Variants in FARS2 observed in about 807,000 individuals in gnomAD.
FARS2 encodes phenylalanine--tRNA ligase, mitochondrial.
Under a neutral mutation model 46.4 loss-of-function variants are expected in FARS2, and 40 were observed. That is an observed-to-expected ratio of 0.86 (90% CI 0.67 to 1.12). FARS2 has a LOEUF of 1.12. Among genes scored for constraint, FARS2 ranks in the 50% most tolerant of loss-of-function variants. FARS2 has a pLI of 0.00. For missense variants in FARS2, 513 were observed against 567.9 expected (o/e 0.90, Z 0.98); for synonymous variants, 234 against 214.9 (o/e 1.09, Z -0.78).
intron 6 of FARS2, among the ~76,000 whole-genome samples, chr6:5,722,083 T>C (rs1244955270): frequency 6.6e-6 from 1 of 152,198 alleles, no homozygotes; most frequent in Non-Finnish European, 1.5e-5. Context: ...ATGAAACAAA[T>C]TGTTGTTTTT....
At chr6:5,438,407 A>G (rs1358158118) in intron 4 of FARS2, among the ~76,000 whole-genome samples, 1 of 151,004 alleles carries the variant, frequency 6.6e-6, no homozygotes, top group Non-Finnish European at 1.5e-5. Context: ...TGTTTTTCAG[A>G]TTGGATAATT....
chr6:5,525,209 C>A (rs566441670), intron 4 of FARS2, among the ~76,000 whole-genome samples: 52 of 134,042 alleles, frequency 3.9e-4, no homozygotes, highest in African/African-American at 1.3e-3. Context: ...CATAAAAAAA[C>A]TGTTATTTTC....
At position 5,471,063 on chromosome 6, in the gene FARS2, C is replaced by T. The variant is rs765339920; in HGVS notation, c.904+39891C>T. 2.1e-4 allele frequency among the ~76,000 whole-genome samples: 32 copies of T among 152,082 alleles called. No homozygotes were observed. Among genetic ancestry groups the T allele is most frequent in the Middle Eastern group, 3.2e-3 (1 of 316 alleles). On this transcript the variant is annotated intron_variant, in intron 4 of 6. Coordinates refer to ENST00000274680, the MANE Select transcript of FARS2 (RefSeq NM_006567.5). This position sits in a 1 kb window ranked among gnomAD's most constrained non-coding sequence, Gnocchi z 4.1. ...TACTGATCAGAAAAGGCTTTCTAAG[C>T]TAGAGTGTGAGAGTTACATGTTAAC...
intron 4 of FARS2, among the ~76,000 whole-genome samples, chr6:5,541,249 G>A (rs1770613905): frequency 1.3e-5 from 2 of 152,184 alleles, no homozygotes; most frequent in South Asian, 4.1e-4. Context: ...GAGGCTGAGA[G>A]TAACCGTTGA....
intron 4 of FARS2, among the ~76,000 whole-genome samples, chr6:5,487,497 A>G (rs1766845201): frequency 6.6e-6 from 1 of 152,228 alleles, no homozygotes; most frequent in East Asian, 1.9e-4. Flanking sequence ...TTTAATACCT[A>G]CAACAGCCGT....
intron 6 of FARS2, among the ~76,000 whole-genome samples, chr6:5,736,757 C>G (rs772242940): frequency 1.6e-4 from 25 of 151,984 alleles, no homozygotes; most frequent in Non-Finnish European, 3.1e-4. Flanking sequence ...ATGAATTCAA[C>G]TCTTGCATAA....
intron 6 of FARS2, among the ~76,000 whole-genome samples, chr6:5,624,743 A>C (rs1361423023): frequency 1.3e-5 from 2 of 152,162 alleles, no homozygotes; most frequent in Admixed American, 6.5e-5. Context: ...GATTCAAGCA[A>C]GTTAAACACA....
chr6:5,459,788 C>T (rs1347984573), intron 4 of FARS2, among the ~76,000 whole-genome samples: 1 of 152,220 alleles, frequency 6.6e-6, no homozygotes, highest in Admixed American at 6.5e-5. Context: ...CCACCTCCCT[C>T]CACCTTCCTA....
intron 5 of FARS2, among the ~76,000 whole-genome samples, chr6:5,591,142 A>G (rs892982564): frequency 4.6e-5 from 7 of 152,198 alleles, no homozygotes; most frequent in African/African-American, 1.7e-4. Context: ...AATGCCATTG[A>G]ATCTTAGATA....
intron 4 of FARS2, among the ~76,000 whole-genome samples, chr6:5,529,167 C>T (rs1300724184): frequency 2.6e-5 from 4 of 152,140 alleles, no homozygotes; most frequent in Non-Finnish European, 5.9e-5. Context: ...TGATAGTGAC[C>T]TAACAGAGTT....
At chr6:5,283,970 T>C (rs1766937970) in intron 1 of FARS2, among the ~76,000 whole-genome samples, 1 of 152,236 alleles carries the variant, frequency 6.6e-6, no homozygotes, top group African/African-American at 2.4e-5. Flanking sequence ...AAAGGATATA[T>C]GCATTTAAAA....
intron 1 of FARS2, among the ~76,000 whole-genome samples, chr6:5,347,802 G>A (rs1053413785): frequency 4.6e-5 from 7 of 152,118 alleles, no homozygotes; most frequent in Non-Finnish European, 1.0e-4. Context: ...CATCTTCACC[G>A]ACATTTGGTG....
In FARS2 at chr6:5,369,168, T is replaced by C. The variant is rs1758879197; in HGVS notation, c.598T>C (p.Phe200Leu). ...CCACCAGCTGGAGGCCGTGCGGCTC[T>C]TCTCCAAGCATGAGGTGAGTCTTGA... ...IFHQLEAVRL[F>L]SKHELFAGIK... Residue 200 changes from phenylalanine (F) to leucine (L), a missense_variant, in exon 2 of 7, where the codon TTC (phenylalanine) becomes CTC (leucine). Coordinates refer to ENST00000274680, the MANE Select transcript of FARS2 (RefSeq NM_006567.5). The C allele has an allele frequency of 6.2e-7, 1 of 1,607,010 alleles. No homozygotes were observed. Among genetic ancestry groups the C allele is most frequent in the South Asian group, 1.1e-5 (1 of 91,062 alleles).
At chr6:5,337,188 G>GTATATATATA (rs35240833) in intron 1 of FARS2, among the ~76,000 whole-genome samples, 2 of 148,384 alleles carry the variant, frequency 1.3e-5, no homozygotes, top group South Asian at 4.2e-4. Context: ...TATGTAATAT[G>GTATATATATA]TATATATATA....
chr6:5,319,078 G>T (rs904737907), intron 1 of FARS2, among the ~76,000 whole-genome samples: 6 of 152,118 alleles, frequency 3.9e-5, no homozygotes, highest in Non-Finnish European at 5.9e-5. Context: ...AGAGTAGATA[G>T]CTATCCAGAC....
At chr6:5,618,838 A>G (rs1242632022) in intron 6 of FARS2, among the ~76,000 whole-genome samples, 13 of 152,230 alleles carry the variant, frequency 8.5e-5, no homozygotes, top group African/African-American at 3.1e-4. Context: ...CCAGGTTGCC[A>G]TGTCCTTTGA....
chr6:5,296,470 G>A (rs374427779), intron 1 of FARS2, among the ~76,000 whole-genome samples: 1 of 151,972 alleles, frequency 6.6e-6, no homozygotes, highest in African/African-American at 2.4e-5. Flanking sequence ...CATACAGTTC[G>A]CTAGCATTAA....
At chr6:5,660,203 T>G (rs775430922) in intron 6 of FARS2, among the ~76,000 whole-genome samples, 2 of 152,236 alleles carry the variant, frequency 1.3e-5, no homozygotes, top group African/African-American at 4.8e-5. Context: ...ACTAAGCCAG[T>G]AGTCACTGTG....
At chr6:5,467,890 T>C (rs1005826767) in intron 4 of FARS2, among the ~76,000 whole-genome samples, 7 of 152,216 alleles carry the variant, frequency 4.6e-5, no homozygotes, top group African/African-American at 1.7e-4. Flanking sequence ...CAGAAGGGAA[T>C]GATGAACTAT....
Sources: allele counts gnomAD v4.1 joint callset (sites outside exome capture counted in the v4.1 genomes callset), GRCh38; gene constraint gnomAD v4.1.1; non-coding constraint Gnocchi (gnomAD v3.1); transcripts MANE v1.5; gene names NCBI Gene and HGNC (gene_info 2026-07-23, HGNC 2026-07-21).